Variants in SRGAP3 observed in about 807,000 individuals in gnomAD.
SRGAP3 encodes the protein SLIT-ROBO Rho GTPase-activating protein 3.
SRGAP3 carries 39 observed loss-of-function variants against 121.1 expected under a neutral mutation model. That is an observed-to-expected ratio of 0.32 (90% CI 0.25 to 0.42). The LOEUF is 0.42. SRGAP3 is among the 10% of genes least tolerant of loss of function. SRGAP3 has a pLI of 1.00. For missense variants in SRGAP3, 1,213 were observed against 1,470.6 expected (o/e 0.82, Z 2.86); for synonymous variants, 601 against 570.0 (o/e 1.05, Z -0.77).
At chr3:9,113,705 G>A (rs1022643420) in intron 2 of SRGAP3, among the ~76,000 whole-genome samples, 5 of 151,962 alleles carry the variant, frequency 3.3e-5, no homozygotes, top group South Asian at 2.1e-4. Flanking sequence ...CATGGGGGAC[G>A]GTTCCCCCAT....
chr3:9,157,159 G>A (rs1482573917), intron 1 of SRGAP3, among the ~76,000 whole-genome samples: 1 of 152,178 alleles, frequency 6.6e-6, no homozygotes, highest in African/African-American at 2.4e-5. Context: ...CAGTTGCACA[G>A]GCTATACAGG....
chr3:9,025,626 C>A (rs985514783), intron 13 of SRGAP3, among the ~76,000 whole-genome samples: 1 of 152,202 alleles, frequency 6.6e-6, no homozygotes, highest in East Asian at 1.9e-4. Context: ...TGTACACAGA[C>A]ATGTTCTGCC....
chr3:9,319,857 T>C (rs1575001117), intron 3 of SRGAP3, among the ~76,000 whole-genome samples: 1 of 151,808 alleles, frequency 6.6e-6, no homozygotes, highest in African/African-American at 2.4e-5. Context: ...GAGTAAGAAG[T>C]GCAAAGCCAG....
chr3:9,207,107 G>C (rs910837506), intron 1 of SRGAP3, among the ~76,000 whole-genome samples: 2 of 152,164 alleles, frequency 1.3e-5, no homozygotes, highest in Non-Finnish European at 2.9e-5. Context: ...GGGAAATTAG[G>C]AAAGTCCCAG....
intron 1 of SRGAP3, among the ~76,000 whole-genome samples, chr3:9,208,337 G>T (rs1210529283): frequency 6.6e-6 from 1 of 152,160 alleles, no homozygotes; most frequent in African/African-American, 2.4e-5. Context: ...TGACTTTGGA[G>T]CTGGAGCCTG....
chr3:9,213,699 C>T (rs570115668), intron 1 of SRGAP3, among the ~76,000 whole-genome samples: 43 of 152,314 alleles, frequency 2.8e-4, no homozygotes, highest in Non-Finnish European at 4.4e-4. Flanking sequence ...GAATAAAATA[C>T]GAACTCTTAA....
chr3:9,021,868 T>A (rs1298348871), intron 14 of SRGAP3, among the ~76,000 whole-genome samples: 1 of 152,012 alleles, frequency 6.6e-6, no homozygotes, highest in African/African-American at 2.4e-5. Context: ...GGCGGGTGCG[T>A]CGCTTTGAGC....
intron 1 of SRGAP3, among the ~76,000 whole-genome samples, chr3:9,189,338 A>C (rs1194252916): frequency 6.6e-6 from 1 of 152,242 alleles, no homozygotes; most frequent in Non-Finnish European, 1.5e-5. Flanking sequence ...TGGTAAGGCA[A>C]GCCCCTGCTT....
intron 1 of SRGAP3, among the ~76,000 whole-genome samples, chr3:9,186,797 A>T (rs1308914907): frequency 6.6e-6 from 1 of 152,158 alleles, no homozygotes; most frequent in Non-Finnish European, 1.5e-5. Flanking sequence ...TCCACCAATC[A>T]ATAAGCTGCT....
At chr3:9,159,925 G>C (rs189916822) in intron 1 of SRGAP3, among the ~76,000 whole-genome samples, 1 of 152,196 alleles carries the variant, frequency 6.6e-6, no homozygotes, top group Non-Finnish European at 1.5e-5. Context: ...CTGCCTGTAA[G>C]GCCCACCTGA....
intron 1 of SRGAP3, among the ~76,000 whole-genome samples, chr3:9,247,278 C>T (rs1463003101): frequency 6.6e-6 from 1 of 152,090 alleles, no homozygotes; most frequent in Non-Finnish European, 1.5e-5. Flanking sequence ...ACCAATAAAG[C>T]GCTTATTTCT....
intron 5 of SRGAP3, among the ~76,000 whole-genome samples, chr3:9,063,029 G>C (rs1946248595): frequency 6.6e-6 from 1 of 150,748 alleles, no homozygotes; most frequent in South Asian, 2.1e-4. Flanking sequence ...ACTTCCTATA[G>C]TCTGCCTTTT....
chr3:9,051,776 G>T (rs1474559614), intron 9 of SRGAP3, among the ~76,000 whole-genome samples: 7 of 138,078 alleles, frequency 5.1e-5, no homozygotes, highest in Admixed American at 4.9e-4. Flanking sequence ...GCAGTGGCAC[G>T]ATCTTGGCTC....
intron 1 of SRGAP3, among the ~76,000 whole-genome samples, chr3:9,233,496 T>C (rs151173357): frequency 9.8e-4 from 150 of 152,342 alleles, no homozygotes; most frequent in Middle Eastern, 3.4e-3. Flanking sequence ...AGAGCTATTA[T>C]AAAATCCCCT....
At chr3:9,308,841 C>T (rs542982073) in intron 3 of SRGAP3, among the ~76,000 whole-genome samples, 2 of 152,254 alleles carry the variant, frequency 1.3e-5, no homozygotes, top group South Asian at 4.1e-4. Context: ...CCACCCCATC[C>T]CAACCCCACA....
At chr3:9,315,987 C>T (rs968639934) in intron 3 of SRGAP3, among the ~76,000 whole-genome samples, 4 of 152,156 alleles carry the variant, frequency 2.6e-5, no homozygotes, top group South Asian at 2.1e-4. Flanking sequence ...AAATACTTCA[C>T]GAAAGTGGAT....
chr3:9,060,123 T>A (rs761711420), intron 6 of SRGAP3, 108 bp downstream of exon 6: 10 of 1,563,778 alleles, frequency 6.4e-6, no homozygotes, highest in Non-Finnish European at 8.8e-6. Context: ...GAGCTGTGGC[T>A]ACCCGAGAAT....
At chr3:9,296,775 C>T (rs1368985246) in intron 3 of SRGAP3, among the ~76,000 whole-genome samples, 2 of 152,238 alleles carry the variant, frequency 1.3e-5, no homozygotes, top group African/African-American at 4.8e-5. Context: ...AAGCACTTAA[C>T]ATTGTGCCTA....
At chr3:9,027,444 A>G (rs919343694) in intron 12 of SRGAP3, among the ~76,000 whole-genome samples, 1 of 152,154 alleles carries the variant, frequency 6.6e-6, no homozygotes, top group African/African-American at 2.4e-5. Context: ...AGGGCACACC[A>G]GGGGGGAAGC....
Sources: allele counts gnomAD v4.1 joint callset (sites outside exome capture counted in the v4.1 genomes callset), GRCh38; gene constraint gnomAD v4.1.1; transcripts MANE v1.5; gene names NCBI Gene and HGNC (gene_info 2026-07-23, HGNC 2026-07-21).